TMTC1: variants seen among roughly 807,000 people sequenced by gnomAD.
The protein encoded by TMTC1 is protein O-mannosyl-transferase TMTC1.
A neutral mutation model predicts 104.8 loss-of-function variants in TMTC1; 73 were observed. That is an observed-to-expected ratio of 0.70 (90% CI 0.58 to 0.85). The LOEUF (loss-of-function observed/expected upper bound fraction) is 0.85. Ranked by LOEUF, TMTC1 falls within the 40% of genes least tolerant of loss-of-function variation. The pLI is 0.00. For synonymous variants in TMTC1, 434 were observed against 428.7 expected, an observed-to-expected ratio of 1.01 and a Z score of -0.15; for missense variants, 1,035 against 1,096.1, an observed-to-expected ratio of 0.94 and a Z score of 0.79.
chr12:29,551,529 C>T (rs1307949736), intron 10 of TMTC1, among the ~76,000 whole-genome samples: 1 of 152,046 alleles, frequency 6.6e-6, no homozygotes, highest in African/African-American at 2.4e-5. Flanking sequence ...ATTGTAATAC[C>T]TACCTAACAC....
At chr12:29,507,841 T>A (rs1179860053) in intron 17 of TMTC1, among the ~76,000 whole-genome samples, 1 of 152,238 alleles carries the variant, frequency 6.6e-6, no homozygotes, top group Non-Finnish European at 1.5e-5. Context: ...GAGCTAAGAT[T>A]GTTGGAGTTC....
At chr12:29,676,482 A>G (rs1312859184) in intron 5 of TMTC1, among the ~76,000 whole-genome samples, 2 of 152,212 alleles carry the variant, frequency 1.3e-5, no homozygotes, top group African/African-American at 4.8e-5. Context: ...CAAAAGCAAT[A>G]GATGTTAATC....
At position 29,715,750 on chromosome 12, in the gene TMTC1, G is replaced by A. The variant is rs568736275; in HGVS notation, c.938+35916C>T. ...GGGAGGCCTCAGGAAACTTACAATCGTGGTGGAAGACACCTCTTCACAGGG... is the reference window on the plus strand; with the variant it reads ...GGGAGGCCTCAGGAAACTTACAATCATGGTGGAAGACACCTCTTCACAGGG... On this transcript the variant is annotated intron_variant, in intron 5 of 17. Transcript: ENST00000539277. Among the ~76,000 whole-genome samples, 10 of 152,170 alleles carry A rather than the reference G, an allele frequency of 6.6e-5. No homozygotes were observed. The South Asian group carries it at 1.0e-3, about 16-fold the overall frequency.
At position 29,506,740 on chromosome 12, in the gene TMTC1, G is replaced by A; in HGVS notation, c.*106C>T. 1.4e-6 allele frequency: 2 copies of A among 1,424,604 alleles called. No homozygotes were observed. Among genetic ancestry groups the A allele is most frequent in the Non-Finnish European group, 2.0e-6 (2 of 1,023,174 alleles). 88.2% of individuals were successfully genotyped at this position (1,424,604 alleles called of 1,614,324 possible). On this transcript the variant is annotated 3_prime_UTR_variant, in exon 18 of 18. Transcript: ENST00000539277. ...ATGTGTCACCCTGAACTCGGAATGA[G>A]AGAAAATCTCATTAGTTGTGCCCCT...
In TMTC1 at chr12:29,516,499, A is replaced by C; in HGVS notation, c.2170-13T>G. 1 of 1,611,218 alleles carries C rather than the reference A, an allele frequency of 6.2e-7. No homozygotes were observed. The highest frequency in any genetic ancestry group is 8.5e-7 in the Non-Finnish European group (1 of 1,178,200). ...CCAAAACCTGAGCCTACAAAACCAC[A>C]TGGACCTTGGCTTAGCAGAGACTTC... On this transcript the variant is annotated splice_polypyrimidine_tract_variant and intron_variant, in intron 14 of 17. Coordinates refer to ENST00000539277, the MANE Select transcript of TMTC1 (RefSeq NM_001193451.2).
At chr12:29,712,206 A>G (rs1002700297) in intron 5 of TMTC1, among the ~76,000 whole-genome samples, 9 of 152,140 alleles carry the variant, frequency 5.9e-5, no homozygotes, top group Non-Finnish European at 1.3e-4. Context: ...ATTATGTTGA[A>G]CAACCACTAA....
intron 5 of TMTC1, among the ~76,000 whole-genome samples, chr12:29,677,004 T>A (rs534937963): frequency 6.6e-6 from 1 of 152,304 alleles, no homozygotes; most frequent in African/African-American, 2.4e-5. Context: ...GCAGACAAGG[T>A]CCAAGTCTGG....
At chr12:29,691,014 C>G (rs778170254) in intron 5 of TMTC1, among the ~76,000 whole-genome samples, 7 of 152,172 alleles carry the variant, frequency 4.6e-5, no homozygotes, top group Non-Finnish European at 1.0e-4. Flanking sequence ...TAGTTTGACT[C>G]TGAAACAAAA....
chr12:29,548,008 C>A (rs1944985266), intron 10 of TMTC1, among the ~76,000 whole-genome samples: 1 of 152,198 alleles, frequency 6.6e-6, no homozygotes, highest in Non-Finnish European at 1.5e-5. Context: ...GCTGTGTGAA[C>A]AGGTGCAAAG....
intron 5 of TMTC1, among the ~76,000 whole-genome samples, chr12:29,676,317 C>T (rs1940723322): frequency 6.6e-6 from 1 of 152,170 alleles, no homozygotes; most frequent in Non-Finnish European, 1.5e-5. Flanking sequence ...TATATGCAAG[C>T]TTTATTGACT....
intron 5 of TMTC1, among the ~76,000 whole-genome samples, chr12:29,701,770 C>T (rs1167282015): frequency 6.6e-6 from 1 of 152,192 alleles, no homozygotes; most frequent in Non-Finnish European, 1.5e-5. Context: ...CTGTATGAGA[C>T]ATGGTATGAG....
At chr12:29,731,716 G>A (rs951683179) in intron 5 of TMTC1, among the ~76,000 whole-genome samples, 6 of 152,138 alleles carry the variant, frequency 3.9e-5, no homozygotes, top group African/African-American at 1.4e-4. Flanking sequence ...GAAATGCTGC[G>A]ATACAGCTAT....
At chr12:29,701,026 T>G (rs897910888) in intron 5 of TMTC1, among the ~76,000 whole-genome samples, 1 of 146,690 alleles carries the variant, frequency 6.8e-6, no homozygotes, top group African/African-American at 2.7e-5. Context: ...CAGAATTTCT[T>G]TCTTTTTTTT....
chr12:29,751,270 C>A (rs761879149), intron 5 of TMTC1, among the ~76,000 whole-genome samples: 4 of 152,192 alleles, frequency 2.6e-5, no homozygotes, highest in Non-Finnish European at 4.4e-5. Flanking sequence ...GAAGAGTCCT[C>A]TGGGTTTCCT....
chr12:29,517,272 T>C (rs552000468), intron 14 of TMTC1, among the ~76,000 whole-genome samples, 155 bp downstream of exon 14: 1 of 152,324 alleles, frequency 6.6e-6, no homozygotes, highest in Admixed American at 6.5e-5. Context: ...GGTGTCCATG[T>C]CTTTAGAGAA....
chr12:29,659,294 G>A (rs1042473663), intron 5 of TMTC1, among the ~76,000 whole-genome samples: 4 of 152,224 alleles, frequency 2.6e-5, no homozygotes, highest in African/African-American at 7.2e-5. Context: ...AATCTCCAGT[G>A]TGGTAGTGTG....
intron 5 of TMTC1, among the ~76,000 whole-genome samples, chr12:29,710,185 A>C (rs1941862276): frequency 6.6e-6 from 1 of 152,148 alleles, no homozygotes; most frequent in African/African-American, 2.4e-5. Context: ...AGCAGCTGCC[A>C]CAATCTAACT....
chr12:29,710,837 T>G (rs1231908148), intron 5 of TMTC1, among the ~76,000 whole-genome samples: 1 of 136,506 alleles, frequency 7.3e-6, no homozygotes, highest in Admixed American at 8.0e-5. Flanking sequence ...ATAATATAAA[T>G]ATATTAATAA....
At chr12:29,687,586 G>A (rs1208342946) in intron 5 of TMTC1, among the ~76,000 whole-genome samples, 9 of 152,204 alleles carry the variant, frequency 5.9e-5, no homozygotes, top group African/African-American at 2.2e-4. Context: ...CTGTTGCAGT[G>A]TTAACTGACT....
Sources: allele counts gnomAD v4.1 joint callset (sites outside exome capture counted in the v4.1 genomes callset), GRCh38; gene constraint gnomAD v4.1.1; transcripts MANE v1.5; gene names NCBI Gene and HGNC (gene_info 2026-07-23, HGNC 2026-07-21).